AGBL1: variants seen among roughly 807,000 people sequenced by gnomAD.
AGBL1 encodes AGBL carboxypeptidase 1.
A neutral mutation model predicts 118.9 loss-of-function variants in AGBL1; 130 were observed. The ratio of observed to expected loss-of-function variants is 1.09; its 90% CI spans 0.95 to 1.26. The LOEUF (loss-of-function observed/expected upper bound fraction) is 1.26. Among genes scored for constraint, AGBL1 ranks in the 50% most tolerant of loss-of-function variants. The pLI, the probability that AGBL1 is intolerant of heterozygous loss-of-function variation, is 0.00. For missense variants in AGBL1, 1,584 were observed against 1,298.1 expected, an observed-to-expected ratio of 1.22 and a Z score of -3.38; for synonymous variants, 555 against 478.9, an observed-to-expected ratio of 1.16 and a Z score of -2.08.
At chr15:86,942,298 T>TTAG (rs2080763133) in intron 23 of AGBL1, among the ~76,000 whole-genome samples, 2 of 152,164 alleles carry the variant, frequency 1.3e-5, no homozygotes, top group Admixed American at 6.5e-5. Context: ...TTTCATCCCC[T>TTAG]AAGGTGGAGG....
rs541425873 is a variant in AGBL1, at chr15:86,491,437, G to T, written c.2556-31373G>T. Among the ~76,000 whole-genome samples the T allele has an allele frequency of 3.9e-5, 6 of 152,228 alleles. No individual in the cohort carries two copies. The East Asian group carries it at 1.2e-3, about 30-fold the overall frequency. ...GATCCTTTCTGACTCTATCCAGAGA[G>T]CTCTGGGAATTCTGTGAGGCTTTCA... On this transcript the variant is annotated intron_variant, in intron 18 of 22. Transcript: ENST00000614907.
intron 1 of AGBL1, among the ~76,000 whole-genome samples, chr15:86,120,296 T>C (rs1056349909): frequency 6.6e-6 from 1 of 152,212 alleles, no homozygotes; most frequent in African/African-American, 2.4e-5. Flanking sequence ...GCCTTGTCTT[T>C]GCAACACTCT....
At chr15:86,846,680 C>T (rs896121617) in intron 22 of AGBL1, among the ~76,000 whole-genome samples, 3 of 152,032 alleles carry the variant, frequency 2.0e-5, no homozygotes, top group Admixed American at 1.3e-4. Context: ...CACACGTGTG[C>T]GCCATCATAC....
chr15:86,286,368 G>C (rs908679324), intron 16 of AGBL1, among the ~76,000 whole-genome samples: 1 of 151,892 alleles, frequency 6.6e-6, no homozygotes, highest in Admixed American at 6.6e-5. Flanking sequence ...ATTATTATAA[G>C]CTATGATTAC....
intron 22 of AGBL1, among the ~76,000 whole-genome samples, chr15:86,716,971 T>C (rs1444444414): frequency 1.3e-5 from 2 of 152,228 alleles, no homozygotes; most frequent in African/African-American, 4.8e-5. Context: ...TGTTTTTACC[T>C]TTAAGGCAGA....
At chr15:86,305,443 T>C (rs2079823089) in intron 17 of AGBL1, among the ~76,000 whole-genome samples, 1 of 152,184 alleles carries the variant, frequency 6.6e-6, no homozygotes, top group Admixed American at 6.5e-5. Flanking sequence ...TTGGGGAGTT[T>C]GTATTTCTTA....
chr15:86,147,245 A>T (rs1397991227), intron 3 of AGBL1, among the ~76,000 whole-genome samples: 1 of 152,156 alleles, frequency 6.6e-6, no homozygotes, highest in African/African-American at 2.4e-5. Flanking sequence ...TACCGGGTTC[A>T]TCTCACTGGT....
chr15:86,135,138 G>A (rs2076872339), intron 1 of AGBL1, among the ~76,000 whole-genome samples: 1 of 152,158 alleles, frequency 6.6e-6, no homozygotes, highest in Non-Finnish European at 1.5e-5. Context: ...ACTGTCACAG[G>A]AGCGGGTGAG....
intron 6 of AGBL1, among the ~76,000 whole-genome samples, chr15:86,232,254 C>A (rs375722127): frequency 2.2e-4 from 34 of 152,218 alleles, no homozygotes; most frequent in African/African-American, 7.5e-4. Flanking sequence ...CCATCCCTGT[C>A]CCCTTGGGAC....
At chr15:86,225,657 T>G (rs988861294) in intron 6 of AGBL1, among the ~76,000 whole-genome samples, 3 of 152,014 alleles carry the variant, frequency 2.0e-5, no homozygotes, top group Admixed American at 6.5e-5. Flanking sequence ...AGGGAAGAAG[T>G]CTTAGCTTAA....
chr15:86,224,926 A>G lies in AGBL1; in HGVS notation c.501A>G (p.Glu167=). 6.2e-7 allele frequency: 1 copy of G among 1,613,224 alleles called. No individual in the cohort carries two copies. Among genetic ancestry groups the G allele is most frequent in the South Asian group, 1.1e-5 (1 of 91,048 alleles). ...TCTCTTTCCCCAGGGCAGCCACTGA[A>G]GTTTTGGCAGCATTGCTGAAATCCA... ...KRTQAIRAAT[E]VLAALLKSKS... Residue 167 remains glutamate, a synonymous_variant, in exon 6 of 23, where the codon GAA becomes GAG. Coordinates refer to ENST00000614907, the MANE Select transcript of AGBL1 (RefSeq NM_001386094.1).
chr15:86,814,606 G>A (rs546575171), intron 22 of AGBL1, among the ~76,000 whole-genome samples: 1 of 152,152 alleles, frequency 6.6e-6, no homozygotes, highest in Non-Finnish European at 1.5e-5. Context: ...AGAATAAAGT[G>A]TTACTTAGAG....
intron 22 of AGBL1, among the ~76,000 whole-genome samples, chr15:86,797,473 C>G (rs527868323): frequency 6.6e-6 from 1 of 152,342 alleles, no homozygotes; most frequent in Admixed American, 6.5e-5. Context: ...ATCCTGCAGG[C>G]ATTTCAACCT....
At chr15:86,143,676 T>C (rs2076994240) in intron 2 of AGBL1, 23 bp from the exon 3 acceptor site, 1 of 1,611,358 alleles carries the variant, frequency 6.2e-7, no homozygotes, top group Non-Finnish European at 8.5e-7. Flanking sequence ...TTGTGGCTCA[T>C]CTTTCCTCCG....
intron 5 of AGBL1, among the ~76,000 whole-genome samples, chr15:86,194,892 T>C (rs2077776657): frequency 6.6e-6 from 1 of 152,224 alleles, no homozygotes; most frequent in Admixed American, 6.5e-5. Context: ...TTTCTACAAT[T>C]TGTCATTTAG....
At chr15:86,516,758 G>A (rs571952120) in intron 18 of AGBL1, among the ~76,000 whole-genome samples, 1 of 148,648 alleles carries the variant, frequency 6.7e-6, no homozygotes, top group Non-Finnish European at 1.5e-5. Context: ...CCGGGATGGT[G>A]CTCTAGCCTG....
intron 18 of AGBL1, among the ~76,000 whole-genome samples, chr15:86,436,292 G>A (rs969700396): frequency 1.3e-5 from 2 of 151,576 alleles, no homozygotes; most frequent in African/African-American, 4.9e-5. Context: ...AGTCAGGTGG[G>A]GGAGAAAGGG....
At chr15:87,026,774 G>A (rs539045384) in intron 24 of AGBL1, among the ~76,000 whole-genome samples, 2 of 151,988 alleles carry the variant, frequency 1.3e-5, no homozygotes, top group South Asian at 2.1e-4. Context: ...AAGAAACTGT[G>A]GTATATATAC....
chr15:86,731,613 C>G (rs994733298), intron 22 of AGBL1, among the ~76,000 whole-genome samples: 6 of 152,180 alleles, frequency 3.9e-5, no homozygotes, highest in African/African-American at 1.4e-4. Flanking sequence ...TTCTGTAATG[C>G]TGGCAGATGA....
Sources: gnomAD v4.1 joint callset for allele counts (sites outside exome capture counted in the v4.1 genomes callset) on GRCh38, gnomAD v4.1.1 for gene constraint, MANE v1.5 for transcripts, NCBI Gene and HGNC (gene_info 2026-07-23, HGNC 2026-07-21) for gene names.